AUTS2: variants seen among roughly 807,000 people sequenced by gnomAD.
AUTS2 encodes the protein autism susceptibility gene 2 protein.
Under a neutral mutation model 112.4 loss-of-function variants are expected in AUTS2, and 17 were observed. That is an observed-to-expected ratio of 0.15 (90% CI 0.10 to 0.23). The LOEUF is 0.23. Ranked by LOEUF, AUTS2 falls within the 10% of genes least tolerant of loss-of-function variation. The pLI is 1.00. For synonymous variants in AUTS2, 751 were observed against 702.7 expected (o/e 1.07, Z -1.09); for missense variants, 1,510 against 1,701.6 (o/e 0.89, Z 1.98).
At chr7:70,749,568 A>G (rs1291310735) in intron 6 of AUTS2, among the ~76,000 whole-genome samples, 2 of 152,124 alleles carry the variant, frequency 1.3e-5, no homozygotes, top group Non-Finnish European at 2.9e-5. Context: ...CTCTAACTTA[A>G]AGAATTAAGG....
intron 5 of AUTS2, among the ~76,000 whole-genome samples, chr7:70,620,491 G>A (rs1362810114): frequency 6.6e-6 from 1 of 152,280 alleles, no homozygotes; most frequent in East Asian, 1.9e-4. Context: ...GATGTGGAAG[G>A]AAAGGGGTTG....
In AUTS2 at chr7:69,688,260, A is replaced by G. The variant is rs538765847; in HGVS notation, c.309+88298A>G. Among the ~76,000 whole-genome samples, 6 of 152,356 alleles carry G rather than the reference A, an allele frequency of 3.9e-5. No individual in the cohort carries two copies. The East Asian group carries it at 1.2e-3, about 29-fold the overall frequency. ...AAACAGGTTTCCCAGTCAGGGGAGC[A>G]TGCTGAATAATTATCAGTGTGTGGG... On this transcript the variant is annotated intron_variant, in intron 1 of 18. Transcript: ENST00000342771.
intron 2 of AUTS2, among the ~76,000 whole-genome samples, chr7:70,010,903 G>C (rs1293320912): frequency 6.6e-6 from 1 of 152,152 alleles, no homozygotes; most frequent in Non-Finnish European, 1.5e-5. Context: ...AGCTTGTAAG[G>C]GGATCTCAGT....
At chr7:70,464,881 G>A (rs1365524639) in intron 5 of AUTS2, among the ~76,000 whole-genome samples, 1 of 152,102 alleles carries the variant, frequency 6.6e-6, no homozygotes, top group African/African-American at 2.4e-5. Context: ...GTTTCACTTT[G>A]GAGGAGCAAG....
At chr7:69,968,560 G>A (rs562042550) in intron 2 of AUTS2, among the ~76,000 whole-genome samples, 339 of 152,272 alleles carry the variant, frequency 2.2e-3, no homozygotes, top group Non-Finnish European at 4.1e-3. Context: ...ATAGCTCAGA[G>A]GTAGAGCATT....
intron 1 of AUTS2, among the ~76,000 whole-genome samples, chr7:69,783,445 C>T (rs1378503317): frequency 6.6e-6 from 1 of 152,052 alleles, no homozygotes; most frequent in Admixed American, 6.5e-5. Context: ...TGGCAGATTT[C>T]CCACTGGGAT....
chr7:70,421,513 G>A (rs947445175), intron 4 of AUTS2, among the ~76,000 whole-genome samples: 8 of 152,200 alleles, frequency 5.3e-5, no homozygotes, highest in African/African-American at 1.9e-4. Flanking sequence ...TGTCACAGGG[G>A]TGTTGTGACT....
chr7:69,748,109 A>G (rs1787587446), intron 1 of AUTS2, among the ~76,000 whole-genome samples: 1 of 152,090 alleles, frequency 6.6e-6, no homozygotes, highest in South Asian at 2.1e-4. Context: ...TTTTGTGTGG[A>G]GAGGATGCTT....
intron 5 of AUTS2, among the ~76,000 whole-genome samples, chr7:70,552,754 C>A (rs1801065895): frequency 6.6e-6 from 1 of 152,158 alleles, no homozygotes. Context: ...GCCCAGATCC[C>A]CCAAATCTGA....
intron 4 of AUTS2, among the ~76,000 whole-genome samples, chr7:70,221,463 C>A (rs1232239499): frequency 6.6e-6 from 1 of 152,136 alleles, no homozygotes; most frequent in East Asian, 1.9e-4. Context: ...TTGGAAGATA[C>A]ATAAAGTTTT....
At chr7:69,876,347 AAAATATATATATATATAT>A (rs1793759099) in intron 1 of AUTS2, among the ~76,000 whole-genome samples, 1 of 46,482 alleles carries the variant, frequency 2.2e-5, no homozygotes, top group Non-Finnish European at 3.9e-5. Context: ...AAAAAAAAAA[AAAATATATATATATATAT>A]ATATATATAT....
At chr7:69,661,575 G>A (rs893518927) in intron 1 of AUTS2, among the ~76,000 whole-genome samples, 1 of 152,296 alleles carries the variant, frequency 6.6e-6, no homozygotes, top group African/African-American at 2.4e-5. Context: ...ACAGTAATTG[G>A]TGTGATCCTT....
intron 4 of AUTS2, among the ~76,000 whole-genome samples, chr7:70,419,328 G>A (rs2130640695): frequency 6.6e-6 from 1 of 151,552 alleles, no homozygotes; most frequent in East Asian, 1.9e-4. Flanking sequence ...GGATTCAAAT[G>A]CCTGGATCTT....
intron 2 of AUTS2, among the ~76,000 whole-genome samples, chr7:69,958,319 T>G (rs1797298356): frequency 6.6e-6 from 1 of 152,184 alleles, no homozygotes; most frequent in African/African-American, 2.4e-5. Context: ...CTGCAAAACC[T>G]AAAGTATTTA....
intron 5 of AUTS2, among the ~76,000 whole-genome samples, chr7:70,696,925 G>T (rs1809145310): frequency 1.3e-5 from 2 of 151,964 alleles, no homozygotes; most frequent in Admixed American, 6.6e-5. Flanking sequence ...AATTTAACAT[G>T]AATTTACATT....
At chr7:69,673,032 T>C (rs1173721263) in intron 1 of AUTS2, among the ~76,000 whole-genome samples, 2 of 152,238 alleles carry the variant, frequency 1.3e-5, no homozygotes, top group South Asian at 4.1e-4. Context: ...CCCATCATGT[T>C]TCTAGAGTTT....
At chr7:70,333,515 T>G (rs1790852333) in intron 4 of AUTS2, among the ~76,000 whole-genome samples, 1 of 152,304 alleles carries the variant, frequency 6.6e-6, no homozygotes, top group African/African-American at 2.4e-5. Context: ...CACATATGTT[T>G]ATTGCAGCAC....
chr7:70,349,897 A>G (rs947878008), intron 4 of AUTS2, among the ~76,000 whole-genome samples: 2 of 152,192 alleles, frequency 1.3e-5, no homozygotes, highest in East Asian at 1.9e-4. Context: ...CTGTGCCTCT[A>G]TAAGTTAATC....
At chr7:70,780,786 T>A (rs964014135) in intron 14 of AUTS2, among the ~76,000 whole-genome samples, 2 of 152,184 alleles carry the variant, frequency 1.3e-5, no homozygotes, top group African/African-American at 2.4e-5. Context: ...TATATAACAG[T>A]GATCATTTGA....
Sources: allele counts gnomAD v4.1 joint callset (sites outside exome capture counted in the v4.1 genomes callset), GRCh38; gene constraint gnomAD v4.1.1; transcripts MANE v1.5; gene names NCBI Gene and HGNC (gene_info 2026-07-23, HGNC 2026-07-21).